The following OLFML1 variants were observed in gnomAD, a reference collection of about 807,000 sequenced individuals.
OLFML1 encodes olfactomedin-like protein 1.
In OLFML1, 33 loss-of-function variants were observed where a neutral mutation model predicts 37.3. The ratio of observed to expected loss-of-function variants is 0.88; its 90% CI spans 0.67 to 1.18. The LOEUF is 1.18. OLFML1 is among the 50% of genes most tolerant of loss of function. The pLI, the probability that OLFML1 is intolerant of heterozygous loss-of-function variation, is 0.00. For missense variants in OLFML1, 545 were observed against 483.7 expected (o/e 1.13, Z -1.19); for synonymous variants, 186 against 181.3 (o/e 1.03, Z -0.21).
chr11:7,492,687 T>C (rs1848613286), intron 2 of OLFML1, among the ~76,000 whole-genome samples: 1 of 152,130 alleles, frequency 6.6e-6, no homozygotes, highest in Non-Finnish European at 1.5e-5. Flanking sequence ...CAGGGATGTT[T>C]TGCGGGTAGG....
rs1280835813 is a variant in OLFML1, at chr11:7,509,446, A to T, written c.467A>T (p.Lys156Met). 3 of 1,613,746 alleles carry T rather than the reference A, an allele frequency of 1.9e-6. No individual in the cohort carries two copies. Among genetic ancestry groups the T allele is most frequent in the African/African-American group, 1.3e-5 (1 of 74,922 alleles). Residue 156 changes from lysine (K) to methionine (M), a missense_variant, in exon 3 of 3, where the codon AAG becomes ATG. Transcript: ENST00000329293. ...MGIKSLKIVK[K>M]MMDTHGSWMK... is the part of the protein sequence containing the mutation. ...ATAAAGTCTTTGAAAATAGTGAAGA[A>T]GATGATGGACACACATGGCTCTTGG...
intron 2 of OLFML1, chr11:7,504,895 T>A (rs2134185538): frequency 6.6e-6 from 1 of 151,620 alleles, no homozygotes; most frequent in South Asian, 2.1e-4. Flanking sequence ...AAGCACTGAT[T>A]AGGAAAATGA....
Position 7,488,305 on chromosome 11 carries a change from A to G in OLFML1, c.308A>G (p.Gln103Arg). ...GCCCAACGGGAGATTGACTACATAC[A>G]ATACCTTCGAGAGGCTGACGAGTGC... ...ERAQREIDYI[Q>R]YLREADECIE... Residue 103 changes from glutamine to arginine, a missense_variant, in exon 2 of 3, where the codon CAA becomes CGA. Physicochemically the swap from Gln to Arg is conservative, Grantham distance 43 (BLOSUM62 1). Coordinates refer to ENST00000329293, the MANE Select transcript of OLFML1 (RefSeq NM_198474.4). 6.2e-7 allele frequency: 1 copy of G among 1,614,160 alleles called. No homozygotes were observed. Among genetic ancestry groups the G allele is most frequent in the East Asian group, 2.2e-5 (1 of 44,882 alleles).
intron 2 of OLFML1, among the ~76,000 whole-genome samples, chr11:7,494,162 GT>G (rs1848634540): frequency 1.3e-5 from 2 of 152,232 alleles, no homozygotes; most frequent in African/African-American, 4.8e-5. Flanking sequence ...GAAACAGCAT[GT>G]GGCAGCACAA....
intron 2 of OLFML1, among the ~76,000 whole-genome samples, chr11:7,503,173 A>C (rs908044855): frequency 1.1e-4 from 16 of 152,196 alleles, no homozygotes; most frequent in African/African-American, 3.6e-4. Context: ...GGGGCTGAAG[A>C]TACAAAGTTG....
At chr11:7,496,091 G>C (rs1305912701) in intron 2 of OLFML1, among the ~76,000 whole-genome samples, 4 of 152,244 alleles carry the variant, frequency 2.6e-5, no homozygotes, top group Admixed American at 6.5e-5. Context: ...TGCACCTGCA[G>C]TCAGTGGCAC....
chr11:7,490,898 T>C (rs904869852), intron 2 of OLFML1, among the ~76,000 whole-genome samples: 2 of 151,974 alleles, frequency 1.3e-5, no homozygotes, highest in Non-Finnish European at 2.9e-5. Flanking sequence ...ACAAAATAGA[T>C]CATAATTCTC....
chr11:7,492,186 GCTA>G (rs1267799756), intron 2 of OLFML1, among the ~76,000 whole-genome samples: 1 of 151,874 alleles, frequency 6.6e-6, no homozygotes, highest in Non-Finnish European at 1.5e-5. Flanking sequence ...CTCAGCTGGT[GCTA>G]CTAATTACCT....
chr11:7,501,524 C>T (rs1170108199), intron 2 of OLFML1, among the ~76,000 whole-genome samples: 1 of 152,162 alleles, frequency 6.6e-6, no homozygotes, highest in Non-Finnish European at 1.5e-5. Context: ...CTGGCTCTGG[C>T]CACAGTGTGA....
chr11:7,500,735 T>TA lies in OLFML1; in HGVS notation c.419-8658dup, dbSNP rs530934162. Among the ~76,000 whole-genome samples the TA allele has an allele frequency of 4.5e-3, 673 of 151,004 alleles. 1 individual carries two copies. Among genetic ancestry groups the TA allele is most frequent in the Non-Finnish European group, 4.7e-3 (320 of 67,688 alleles). On this transcript the variant is annotated intron_variant, in intron 2 of 2. Transcript: ENST00000329293. Reference sequence around the variant, plus strand: ...ATGTTTAAGAAGGTTTTTTTTTTTTTAAAAAGAATTATACGGGGCTGGGCA... The same window carrying TA: ...ATGTTTAAGAAGGTTTTTTTTTTTTTAAAAAAGAATTATACGGGGCTGGGCA...
At chr11:7,495,458 G>A (rs977953393) in intron 2 of OLFML1, among the ~76,000 whole-genome samples, 1 of 152,024 alleles carries the variant, frequency 6.6e-6, no homozygotes, top group Non-Finnish European at 1.5e-5. Flanking sequence ...TATGGTATCC[G>A]CTATATGTGT....
chr11:7,499,040 CCATA>C (rs1386567621), intron 2 of OLFML1, among the ~76,000 whole-genome samples: 2 of 152,106 alleles, frequency 1.3e-5, no homozygotes, highest in Non-Finnish European at 2.9e-5. Flanking sequence ...TGAGTGACTC[CCATA>C]CAAAGGAATA....
In OLFML1 at chr11:7,506,637, T is replaced by C. The variant is rs186686779; in HGVS notation, c.419-2761T>C. Among the ~76,000 whole-genome samples, 471 of 152,250 alleles carry C rather than the reference T, an allele frequency of 3.1e-3. 4 individuals carry two copies. Among genetic ancestry groups the C allele is most frequent in the African/African-American group, 0.011 (456 of 41,524 alleles). The stretch of plus-strand genomic sequence containing the variant: ...CCCCTTATGTGTAGTGGCACCAACA[T>C]ACACCACTGTGAGATTTTCTCCTCC... On this transcript the variant is annotated intron_variant, in intron 2 of 2. Transcript: ENST00000329293.
chr11:7,488,044 T>A, intron 1 of OLFML1, 83 bp from the exon 2 acceptor site: 1 of 984,604 alleles, frequency 1.0e-6, no homozygotes, highest in African/African-American at 1.7e-5. Context: ...TTTCTAATCC[T>A]TTTCTATAAA....
chr11:7,499,943 T>C (rs1451562170), intron 2 of OLFML1, among the ~76,000 whole-genome samples: 1 of 152,186 alleles, frequency 6.6e-6, no homozygotes, highest in East Asian at 1.9e-4. Context: ...CAGGCTAGAG[T>C]ATAGCGATGC....
chr11:7,489,256 G>T (rs960789830), intron 2 of OLFML1, among the ~76,000 whole-genome samples: 2 of 152,036 alleles, frequency 1.3e-5, no homozygotes, highest in African/African-American at 4.8e-5. Flanking sequence ...GAACTTCATG[G>T]TCACTATAAG....
intron 2 of OLFML1, among the ~76,000 whole-genome samples, chr11:7,500,737 A>T (rs1348474527): frequency 6.6e-6 from 1 of 150,554 alleles, no homozygotes; most frequent in Non-Finnish European, 1.5e-5. Flanking sequence ...TTTTTTTTTA[A>T]AAAGAATTAT....
Position 7,485,564 on chromosome 11 carries a change from T to C in OLFML1, c.-312T>C. ...AAGCCAGGAAGCAGCTTGCAACCAC[T>C]AGCCTGGGGAGGGTCCGCATGTGTC... On this transcript the variant is annotated 5_prime_UTR_variant, in exon 1 of 3. It removes the in-frame stop codon of an upstream open reading frame in the 5' UTR. Transcript: ENST00000329293. The C allele has an allele frequency of 3.7e-6, 1 of 270,500 alleles. No individual in the cohort carries two copies. The highest frequency in any genetic ancestry group is 7.0e-6 in the Non-Finnish European group (1 of 142,554). 16.8% of individuals were successfully genotyped at this position (270,500 alleles called of 1,614,324 possible).
rs1016945287 is a variant in OLFML1 at position 7,507,130 on chromosome 11, T to C, written c.419-2268T>C. Among the ~76,000 whole-genome samples, 5 of 152,212 alleles carry C rather than the reference T, an allele frequency of 3.3e-5. No individual in the cohort carries two copies. The East Asian group carries it at 5.8e-4, about 18-fold the overall frequency. The stretch of plus-strand genomic sequence containing the variant: ...GACAGCACGAGACACAAAGCATGAA[T>C]ACTAAAAAGGAAGAGTTTTTGCTGT... On this transcript the variant is annotated intron_variant, in intron 2 of 2. Coordinates refer to ENST00000329293, the MANE Select transcript of OLFML1 (RefSeq NM_198474.4).
Sources: gnomAD v4.1 joint callset for allele counts (sites outside exome capture counted in the v4.1 genomes callset) on GRCh38, gnomAD v4.1.1 for gene constraint, MANE v1.5 for transcripts, NCBI Gene and HGNC (gene_info 2026-07-23, HGNC 2026-07-21) for gene names.